CCDC57: variants seen among roughly 807,000 people sequenced by gnomAD.
CCDC57 encodes the protein coiled-coil domain-containing protein 57.
In CCDC57, 118 loss-of-function variants were observed where a neutral mutation model predicts 118.9. That is an observed-to-expected ratio of 0.99 (90% CI 0.86 to 1.16). The LOEUF (loss-of-function observed/expected upper bound fraction) is 1.16, where lower values mean the gene tolerates loss of function less well. Ranked by LOEUF, CCDC57 falls within the 50% of genes most tolerant of loss-of-function variation. The pLI, the probability that CCDC57 is intolerant of heterozygous loss-of-function variation, is 0.00. For missense variants in CCDC57, 1,300 were observed against 1,320.7 expected (o/e 0.98, Z 0.24); for synonymous variants, 527 against 532.9 (o/e 0.99, Z 0.15).
chr17:82,206,209 G>A (rs1461245706), intron 2 of CCDC57, among the ~76,000 whole-genome samples: 1 of 152,268 alleles, frequency 6.6e-6, no homozygotes, highest in Non-Finnish European at 1.5e-5. Flanking sequence ...CAGCATGGGT[G>A]GGCATCCCAT....
intron 14 of CCDC57, among the ~76,000 whole-genome samples, chr17:82,161,344 G>A (rs1419768655): frequency 6.6e-6 from 1 of 152,074 alleles, no homozygotes; most frequent in African/African-American, 2.4e-5. Context: ...ACAGCACGGT[G>A]GCTCCTCAAA....
intron 19 of CCDC57, chr17:82,104,964 G>A (rs1312043692): frequency 6.6e-6 from 1 of 152,282 alleles, no homozygotes; most frequent in Non-Finnish European, 1.5e-5. Context: ...GACGGAGCTG[G>A]TCCCCAGCTT....
intron 13 of CCDC57, among the ~76,000 whole-genome samples, chr17:82,166,403 T>C (rs1221600880): frequency 6.7e-6 from 1 of 149,734 alleles, no homozygotes; most frequent in African/African-American, 2.5e-5. Context: ...TAACCCCAGC[T>C]CTTCAGCAGT....
chr17:82,134,497 G>T (rs4789751), intron 16 of CCDC57, among the ~76,000 whole-genome samples: 71,058 of 151,940 alleles, frequency 0.47, 17,413 homozygotes, highest in East Asian at 0.88. Flanking sequence ...CAGGCACAAA[G>T]AAGAAGCAAA....
At chr17:82,113,387 T>G in intron 19 of CCDC57, 1 of 717,544 alleles carries the variant, frequency 1.4e-6, no homozygotes, top group South Asian at 1.5e-5. Flanking sequence ...AGTCACAGCT[T>G]GTCCTGAGAG....
intron 16 of CCDC57, among the ~76,000 whole-genome samples, chr17:82,145,388 A>C (rs887373246): frequency 5.9e-5 from 9 of 151,670 alleles, no homozygotes; most frequent in African/African-American, 2.2e-4. Context: ...TTCTACTAAA[A>C]ATACAAAAAT....
At chr17:82,147,995 G>A (rs1269016164) in intron 16 of CCDC57, among the ~76,000 whole-genome samples, 53 of 92,196 alleles carry the variant, frequency 5.7e-4, no homozygotes, top group Non-Finnish European at 9.2e-4. Flanking sequence ...GAATGGGTGG[G>A]TGGATGGATG....
chr17:82,161,806 C>T (rs9898542), intron 14 of CCDC57, among the ~76,000 whole-genome samples: 70,703 of 151,324 alleles, frequency 0.47, 17,298 homozygotes, highest in East Asian at 0.88. Context: ...AGAAAAGCTC[C>T]GGTAATAGTG....
chr17:82,136,580 CAA>C (rs761497406), intron 16 of CCDC57, among the ~76,000 whole-genome samples: 63 of 80,790 alleles, frequency 7.8e-4, no homozygotes, highest in East Asian at 1.9e-3. Context: ...TGTATAGTAC[CAA>C]AAAAAAAAAA....
At chr17:82,101,597 AC>A (rs569612998) in exon 20 of CCDC57, 45 of 1,185,778 alleles carry the variant, frequency 3.8e-5, no homozygotes, top group Admixed American at 9.1e-5. Context: ...CTGTGCCCAC[AC>A]CCCCCCACAA....
chr17:82,147,219 T>A (rs1179686298), intron 16 of CCDC57, among the ~76,000 whole-genome samples: 1 of 144,048 alleles, frequency 6.9e-6, no homozygotes, highest in Non-Finnish European at 1.5e-5. Context: ...GGTGCATGGG[T>A]AGGTGGATGG....
intron 19 of CCDC57, chr17:82,113,684 G>A (rs2035472402): frequency 4.2e-6 from 3 of 715,858 alleles, no homozygotes; most frequent in Non-Finnish European, 7.8e-6. Context: ...TGTCATCTCA[G>A]CACTTTGGGA....
At position 82,167,765 on chromosome 17, in the gene CCDC57, G is replaced by A. The variant is rs563582440; in HGVS notation, c.1882+3936C>T. ...CAAAGTGCTGGGATTACAGGTGTGCGCCACCGTGCCCAGCTAATTTTTGTA... is the reference window on the plus strand; with the variant it reads ...CAAAGTGCTGGGATTACAGGTGTGCACCACCGTGCCCAGCTAATTTTTGTA... On this transcript the variant is annotated intron_variant, in intron 13 of 19. Transcript: ENST00000665763. Among the ~76,000 whole-genome samples, 200 of 151,478 alleles carry A rather than the reference G, an allele frequency of 1.3e-3. 1 individual carries two copies. Among genetic ancestry groups the A allele is most frequent in the African/African-American group, 4.6e-3 (190 of 41,228 alleles).
chr17:82,158,469 C>T (rs1404144924), intron 14 of CCDC57, among the ~76,000 whole-genome samples: 4 of 152,008 alleles, frequency 2.6e-5, no homozygotes, highest in South Asian at 4.2e-4. Context: ...GGGTGGATCA[C>T]GAGGTCAGGA....
chr17:82,127,145 T>C, intron 19 of CCDC57: 1 of 985,384 alleles, frequency 1.0e-6, no homozygotes, highest in Non-Finnish European at 1.2e-6. Context: ...ATGACTTAGG[T>C]GCAGAGAAGA....
At chr17:82,183,983 G>T (rs909294660) in intron 8 of CCDC57, 51 bp from the exon 8 acceptor site, 1 of 1,480,068 alleles carries the variant, frequency 6.8e-7, no homozygotes, top group Non-Finnish European at 9.2e-7. Context: ...CACTAAAGTT[G>T]TCTCTTACAC....
chr17:82,142,767 T>C (rs1201258359), intron 16 of CCDC57, among the ~76,000 whole-genome samples: 1 of 152,192 alleles, frequency 6.6e-6, no homozygotes, highest in Non-Finnish European at 1.5e-5. Context: ...TTAATATGGT[T>C]GTTAAATAGA....
rs139648538 is a variant in CCDC57, at chr17:82,172,461, C to A, written c.1729+177G>T. Among the ~76,000 whole-genome samples the A allele has an allele frequency of 5.1e-4, 78 of 152,318 alleles. No homozygotes were observed. The highest frequency in any genetic ancestry group is 1.7e-3 in the African/African-American group (71 of 41,568). On this transcript the variant is annotated intron_variant, in intron 12 of 19. Coordinates refer to ENST00000665763, the Ensembl canonical transcript of CCDC57. The surrounding 1 kb of genome is among the most constrained non-coding windows in gnomAD (Gnocchi z 5.2). ...AGCTTTTTGGTATAAAACTTAAGAT[C>A]CCTTCTCTTGGAGAAAAAGCAGTTT... is the stretch of plus-strand genomic sequence containing the variant.
chr17:82,117,562 C>T (rs949307943), intron 19 of CCDC57, among the ~76,000 whole-genome samples: 8 of 152,162 alleles, frequency 5.3e-5, no homozygotes, highest in African/African-American at 1.4e-4. Flanking sequence ...TGCTTGAGCC[C>T]GGGAGGTTGA....
Sources: allele counts gnomAD v4.1 joint callset (sites outside exome capture counted in the v4.1 genomes callset), GRCh38; gene constraint gnomAD v4.1.1; non-coding constraint Gnocchi (gnomAD v3.1); transcripts MANE v1.5; gene names NCBI Gene and HGNC (gene_info 2026-07-23, HGNC 2026-07-21).